HUWE1: variants seen among roughly 807,000 people sequenced by gnomAD.
HUWE1 encodes the protein E3 ubiquitin-protein ligase HUWE1.
HUWE1 carries 18 observed loss-of-function variants against 299.4 expected under a neutral mutation model. The ratio of observed to expected loss-of-function variants is 0.06; its 90% CI spans 0.04 to 0.09. The LOEUF is 0.09. HUWE1 is among the 10% of genes least tolerant of loss of function. The pLI is 1.00. For missense variants in HUWE1, 1,832 were observed against 3,462.3 expected, an observed-to-expected ratio of 0.53 and a Z score of 11.82; for synonymous variants, 1,317 against 1,286.1, an observed-to-expected ratio of 1.02 and a Z score of -0.51.
intron 17 of HUWE1, chrX:53,625,465 A>G: frequency 2.8e-6 from 1 of 361,908 alleles, no homozygotes. Flanking sequence ...TACCAATACT[A>G]AAAGTCTAAA....
chrX:53,560,823 G>C (rs914707732), intron 55 of HUWE1, among the ~76,000 whole-genome samples: 1 of 111,519 alleles, frequency 9.0e-6, no homozygotes, highest in Non-Finnish European at 1.9e-5. Context: ...TTACCTCTGT[G>C]CTCTCTTACT....
intron 35 of HUWE1, 37 bp downstream of exon 35, chrX:53,590,367 G>C: frequency 1.1e-6 from 1 of 882,831 alleles, no homozygotes; most frequent in Non-Finnish European, 1.7e-6. Context: ...TAAGATTCAT[G>C]TGCCAAGCCC....
At chrX:53,590,271 G>C in intron 35 of HUWE1, 133 bp downstream of exon 35, 1 of 548,824 alleles carries the variant, frequency 1.8e-6, no homozygotes, top group Non-Finnish European at 3.3e-6. Flanking sequence ...GCAAAGCTGG[G>C]ATGAATTAGT....
intron 23 of HUWE1, among the ~76,000 whole-genome samples, chrX:53,610,346 A>G (rs2065385091): frequency 8.9e-6 from 1 of 111,911 alleles, no homozygotes; most frequent in Non-Finnish European, 1.9e-5. Context: ...TTCTTAATAT[A>G]ATTTCAGGAA....
chrX:53,598,250 A>T lies in HUWE1; in HGVS notation c.3163+1868T>A, dbSNP rs184700614. Among the ~76,000 whole-genome samples the T allele has an allele frequency of 2.6e-3, 294 of 112,227 alleles. 1 individual carries two copies. Among genetic ancestry groups the T allele is most frequent in the Middle Eastern group, 0.014 (3 of 218 alleles). On this transcript the variant is annotated intron_variant, in intron 29 of 83. Transcript: ENST00000262854. ...TACTAAAGAATACTTTTGACTTTTT[A>T]TGATGTGGACCTTACTATGATATGG... is the stretch of plus-strand genomic sequence containing the variant.
chrX:53,579,981 AAAC>A (rs1250576646), intron 43 of HUWE1: 7 of 111,124 alleles, frequency 6.3e-5, no homozygotes, highest in East Asian at 2.8e-4. Context: ...TAAAATAAAA[AAAC>A]AAATCCAACA....
chrX:53,586,160 A>AC (rs2063848753), intron 39 of HUWE1, among the ~76,000 whole-genome samples: 1 of 112,193 alleles, frequency 8.9e-6, no homozygotes, highest in African/African-American at 3.2e-5. Flanking sequence ...AGATGTACTG[A>AC]AACAAAAATT....
chrX:53,642,405 CACT>C (rs1384771160), intron 7 of HUWE1, among the ~76,000 whole-genome samples: 1 of 112,044 alleles, frequency 8.9e-6, no homozygotes, highest in Non-Finnish European at 1.9e-5. Context: ...TTATTTGGTC[CACT>C]GTTTCTAACT....
rs782544483 is a variant in HUWE1 at position 53,560,236 on chromosome X, A to T, written c.7688T>A (p.Val2563Asp). 1 of 1,207,451 alleles carries T rather than the reference A, an allele frequency of 8.3e-7. No homozygotes were observed. Residue 2563 changes from valine to aspartate, a missense_variant, in exon 56 of 84, where the codon GTT (valine) becomes GAT (aspartate). Coordinates refer to ENST00000262854, the MANE Select transcript of HUWE1 (RefSeq NM_031407.7). ...LTANTGHTIH[V>D]HYPGNRQPNP... The stretch of plus-strand genomic sequence containing the variant: ...GGGCTGGCGATTCCCAGGGTAGTGA[A>T]CATGAATGGTGTGGCCAGTATTGGC...
intron 7 of HUWE1, among the ~76,000 whole-genome samples, chrX:53,644,020 C>T (rs1324139314): frequency 9.0e-6 from 1 of 111,163 alleles, no homozygotes; most frequent in Non-Finnish European, 1.9e-5. Flanking sequence ...GACGGGATTT[C>T]GCCATGTTGC....
intron 7 of HUWE1, among the ~76,000 whole-genome samples, chrX:53,640,618 T>C (rs2067525093): frequency 9.0e-6 from 1 of 111,563 alleles, no homozygotes. Context: ...TCTCCAGGAC[T>C]AGAAATTAAC....
At chrX:53,639,248 C>T (rs912034811) in intron 7 of HUWE1, among the ~76,000 whole-genome samples, 7 of 111,996 alleles carry the variant, frequency 6.3e-5, no homozygotes, top group Non-Finnish European at 1.1e-4. Context: ...TGCTCAAAAT[C>T]ATTACTGATC....
Position 53,588,408 on chromosome X carries a change from T to G in HUWE1, c.4588A>C (p.Ile1530Leu), listed in dbSNP as rs781872488. ...TCAAAAAGTAGCGTTAAAAGCAAGATTCTAGTAGCCAAATTGGAGGCCTGG... is the reference window on the plus strand; with the variant it reads ...TCAAAAAGTAGCGTTAAAAGCAAGAGTCTAGTAGCCAAATTGGAGGCCTGG... ...LPQASNLATR[I>L]LLLTLLFEEL... Residue 1530 changes from isoleucine to leucine, a missense_variant, in exon 37 of 84, where the codon ATC (isoleucine) becomes CTC (leucine). This residue lies in a region of HUWE1 where 658 missense variants were observed against 1,282.6 expected (regional missense o/e 0.51). Transcript: ENST00000262854. 1 of 1,210,293 alleles carries G rather than the reference T, an allele frequency of 8.3e-7. No individual in the cohort carries two copies. The highest frequency in any genetic ancestry group is 1.1e-6 in the Non-Finnish European group (1 of 894,853).
intron 3 of HUWE1, among the ~76,000 whole-genome samples, chrX:53,658,474 A>G (rs1312885767): frequency 8.9e-6 from 1 of 112,002 alleles, no homozygotes; most frequent in Non-Finnish European, 1.9e-5. Flanking sequence ...TTATCATAAG[A>G]CAACAGTAAG....
At chrX:53,586,136 G>A (rs965068147) in intron 39 of HUWE1, among the ~76,000 whole-genome samples, 28 of 111,990 alleles carry the variant, frequency 2.5e-4, no homozygotes, top group African/African-American at 9.1e-4. Flanking sequence ...CCCTAAAAGG[G>A]GAATGTTCAC....
At chrX:53,537,376 C>T in intron 78 of HUWE1, 180 bp downstream of exon 78, 1 of 511,113 alleles carries the variant, frequency 2.0e-6, no homozygotes. Flanking sequence ...GGCCAGCCAG[C>T]AGGGCAGGCC....
At chrX:53,542,696 G>A in intron 73 of HUWE1, 157 bp from the exon 74 acceptor site, 1 of 483,720 alleles carries the variant, frequency 2.1e-6, no homozygotes, top group South Asian at 2.9e-5. Context: ...ACAAAAGGAT[G>A]CCTTTCCCAA....
At chrX:53,654,005 A>AT (rs2068628257) in intron 4 of HUWE1, 58 bp downstream of exon 4, 1 of 865,209 alleles carries the variant, frequency 1.2e-6, no homozygotes, top group South Asian at 2.2e-5. Context: ...CTGTTCACAA[A>AT]TATTTTTTTA....
At chrX:53,547,422 C>T (rs1569421549) in intron 68 of HUWE1, among the ~76,000 whole-genome samples, 1 of 111,456 alleles carries the variant, frequency 9.0e-6, no homozygotes, top group African/African-American at 3.3e-5. Context: ...TGCCTGCTGA[C>T]CTTCAAAAGA....
Sources: gnomAD v4.1 joint callset for allele counts (sites outside exome capture counted in the v4.1 genomes callset) on GRCh38, gnomAD v4.1.1 for gene constraint, gnomAD v4.1.1 regional missense constraint, MANE v1.5 for transcripts, NCBI Gene and HGNC (gene_info 2026-07-23, HGNC 2026-07-21) for gene names.